The following CDH13 variants were observed in gnomAD, a reference collection of about 807,000 sequenced individuals.
The protein encoded by CDH13 is cadherin-13.
A neutral mutation model predicts 63.8 loss-of-function variants in CDH13; 24 were observed. That is an observed-to-expected ratio of 0.38 (90% confidence interval 0.27 to 0.53). The LOEUF is 0.53. Ranked by LOEUF, CDH13 falls within the 20% of genes least tolerant of loss-of-function variation. The pLI is 0.85. For synonymous variants in CDH13, 503 were observed against 355.3 expected, an observed-to-expected ratio of 1.42 and a Z score of -4.67; for missense variants, 1,049 against 903.1, an observed-to-expected ratio of 1.16 and a Z score of -2.07.
chr16:82,682,972 A>G (rs1048094833), intron 1 of CDH13, among the ~76,000 whole-genome samples: 1 of 152,188 alleles, frequency 6.6e-6, no homozygotes, highest in Admixed American at 6.5e-5. Context: ...ATCTCCAGGA[A>G]GCAGCTCTGA....
chr16:83,549,191 T>G (rs1420953574), intron 7 of CDH13, among the ~76,000 whole-genome samples: 1 of 152,128 alleles, frequency 6.6e-6, no homozygotes, highest in Non-Finnish European at 1.5e-5. Context: ...GCAGACAAGC[T>G]GTGATGGAGT....
At chr16:83,030,432 G>T (rs993167882) in intron 2 of CDH13, among the ~76,000 whole-genome samples, 1 of 151,728 alleles carries the variant, frequency 6.6e-6, no homozygotes, top group Non-Finnish European at 1.5e-5. Flanking sequence ...GCCTGAGGTC[G>T]GGAGTTCGAG....
intron 6 of CDH13, among the ~76,000 whole-genome samples, chr16:83,447,798 T>C (rs548445058): frequency 2.7e-5 from 4 of 150,710 alleles, no homozygotes; most frequent in African/African-American, 9.7e-5. Flanking sequence ...TATAATGATT[T>C]ATATTAAATA....
At chr16:83,520,973 C>A (rs112268072) in intron 7 of CDH13, among the ~76,000 whole-genome samples, 3 of 152,180 alleles carry the variant, frequency 2.0e-5, no homozygotes, top group South Asian at 2.1e-4. Context: ...TTTCAACCAT[C>A]GCCTCCCAAA....
At position 83,678,193 on chromosome 16, in the gene CDH13, C is replaced by G. The variant is rs1332621021; in HGVS notation, c.1285-15C>G. The G allele has an allele frequency of 5.0e-6, 8 of 1,602,652 alleles. No individual in the cohort carries two copies. The highest frequency in any genetic ancestry group is 6.8e-6 in the Non-Finnish European group (8 of 1,171,958). On this transcript the variant is annotated splice_polypyrimidine_tract_variant and intron_variant, in intron 9 of 13. Coordinates refer to ENST00000567109, the MANE Select transcript of CDH13 (RefSeq NM_001257.5). ...GGCTGGTGTGCATCCTGAGACCCTT[C>G]TGTCTGCTTTCCAGCCATTGGACTA...
chr16:82,874,276 C>T (rs984486115), intron 2 of CDH13, among the ~76,000 whole-genome samples: 11 of 152,082 alleles, frequency 7.2e-5, no homozygotes, highest in African/African-American at 2.7e-4. Flanking sequence ...TTGCAGATTG[C>T]AGTCCTTAGA....
chr16:83,690,194 C>G (rs1302089227), intron 10 of CDH13, among the ~76,000 whole-genome samples: 1 of 152,068 alleles, frequency 6.6e-6, no homozygotes, highest in Admixed American at 6.5e-5. Context: ...AAAAAGAAAT[C>G]TGTTATCATC....
At chr16:83,419,771 A>G (rs1240637994) in intron 6 of CDH13, among the ~76,000 whole-genome samples, 1 of 152,210 alleles carries the variant, frequency 6.6e-6, no homozygotes, top group Non-Finnish European at 1.5e-5. Context: ...ATATTATAAA[A>G]TGCATTTTTC....
At chr16:83,573,163 A>C (rs954115740) in intron 7 of CDH13, among the ~76,000 whole-genome samples, 2 of 152,236 alleles carry the variant, frequency 1.3e-5, no homozygotes, top group African/African-American at 4.8e-5. Flanking sequence ...AAAGATTTAG[A>C]CACTGAAAGA....
At chr16:82,681,156 C>G (rs1383053996) in intron 1 of CDH13, among the ~76,000 whole-genome samples, 2 of 152,158 alleles carry the variant, frequency 1.3e-5, no homozygotes, top group Admixed American at 6.5e-5. Context: ...AAAATGCATC[C>G]ACGTGATAAA....
intron 8 of CDH13, among the ~76,000 whole-genome samples, chr16:83,653,273 G>A (rs1452866440): frequency 6.6e-6 from 1 of 152,148 alleles, no homozygotes; most frequent in African/African-American, 2.4e-5. Context: ...CCATTCATAT[G>A]TACAATTTAA....
intron 8 of CDH13, among the ~76,000 whole-genome samples, chr16:83,623,838 T>G (rs1232769404): frequency 6.6e-6 from 1 of 152,186 alleles, no homozygotes; most frequent in African/African-American, 2.4e-5. Flanking sequence ...TCTGGGAAAT[T>G]GAAAAGACAA....
intron 2 of CDH13, among the ~76,000 whole-genome samples, chr16:83,014,774 A>ATATT (rs1394588994): frequency 2.8e-5 from 1 of 36,312 alleles, no homozygotes; most frequent in African/African-American, 8.8e-5. Context: ...ATATATATAT[A>ATATT]TGTATATATA....
intron 4 of CDH13, among the ~76,000 whole-genome samples, chr16:83,206,288 C>T (rs952284854): frequency 1.3e-5 from 2 of 152,348 alleles, no homozygotes; most frequent in African/African-American, 4.8e-5. Flanking sequence ...TCACCTAAGA[C>T]TTCCCTCTGC....
chr16:83,561,884 A>G (rs1294469691), intron 7 of CDH13, among the ~76,000 whole-genome samples: 1 of 152,226 alleles, frequency 6.6e-6, no homozygotes, highest in Non-Finnish European at 1.5e-5. Context: ...AACTGAAGAC[A>G]GAGCACCAAA....
chr16:82,668,527 G>T (rs745426651), intron 1 of CDH13, among the ~76,000 whole-genome samples: 1 of 152,100 alleles, frequency 6.6e-6, no homozygotes, highest in Non-Finnish European at 1.5e-5. Flanking sequence ...TTTTGTTGTT[G>T]TTGTTTCTTC....
chr16:83,152,010 C>T (rs1045111510), intron 4 of CDH13, among the ~76,000 whole-genome samples: 1 of 137,876 alleles, frequency 7.3e-6, no homozygotes, highest in Non-Finnish European at 1.6e-5. Flanking sequence ...GCAAGACAAA[C>T]AAAAAAAAAA....
At chr16:83,595,227 T>C (rs16960952) in intron 7 of CDH13, among the ~76,000 whole-genome samples, 1,988 of 152,354 alleles carry the variant, frequency 0.013, 52 homozygotes, top group South Asian at 0.085. Context: ...AAAGTATAAG[T>C]CATTCCCTGA....
At chr16:82,705,153 G>C (rs1274701462) in intron 1 of CDH13, 6 of 455,832 alleles carry the variant, frequency 1.3e-5, no homozygotes, top group Admixed American at 1.2e-4. Context: ...GACCACAAAG[G>C]CAAAAGGATC....
Sources: allele counts gnomAD v4.1 joint callset (sites outside exome capture counted in the v4.1 genomes callset), GRCh38; gene constraint gnomAD v4.1.1; transcripts MANE v1.5; gene names NCBI Gene and HGNC (gene_info 2026-07-23, HGNC 2026-07-21).